Variants in TTLL11 observed in about 807,000 individuals in gnomAD.
TTLL11 encodes the protein tubulin tyrosine ligase like 11, also known as tubulin polyglutamylase TTLL11.
TTLL11 carries 42 observed loss-of-function variants against 51.7 expected under a neutral mutation model. The observed-to-expected ratio is 0.81, with a 90% CI of 0.64 to 1.05. The LOEUF is 1.05. Among genes scored for constraint, TTLL11 ranks in the 50% least tolerant of loss-of-function variants. The pLI, the probability that TTLL11 is intolerant of heterozygous loss-of-function variation, is 0.00. For synonymous variants in TTLL11, 381 were observed against 383.5 expected (o/e 0.99, Z 0.08); for missense variants, 799 against 940.4 (o/e 0.85, Z 1.97).
At chr9:121,949,515 C>G (rs1588147563) in intron 6 of TTLL11, among the ~76,000 whole-genome samples, 1 of 152,094 alleles carries the variant, frequency 6.6e-6, no homozygotes, top group African/African-American at 2.4e-5. Flanking sequence ...GTTTAAAAAG[C>G]ACTTTCACAC....
intron 8 of TTLL11, among the ~76,000 whole-genome samples, chr9:121,856,425 T>C (rs1837820872): frequency 6.6e-6 from 1 of 152,176 alleles, no homozygotes; most frequent in Non-Finnish European, 1.5e-5. Context: ...GAGGCTCAGG[T>C]TTTCCATCTG....
intron 6 of TTLL11, among the ~76,000 whole-genome samples, chr9:121,895,570 G>GC: frequency 6.7e-6 from 1 of 150,284 alleles, no homozygotes; most frequent in East Asian, 2.0e-4. Context: ...TGTCTGTGTG[G>GC]TTGTGTGTTT....
intron 6 of TTLL11, among the ~76,000 whole-genome samples, chr9:121,933,169 G>A (rs1039867443): frequency 3.9e-5 from 6 of 152,194 alleles, no homozygotes; most frequent in Non-Finnish European, 8.8e-5. Flanking sequence ...GGGAGATAAT[G>A]AGAATTTAAA....
chr9:121,999,350 A>G (rs1843390498), intron 3 of TTLL11, among the ~76,000 whole-genome samples: 1 of 152,168 alleles, frequency 6.6e-6, no homozygotes, highest in South Asian at 2.1e-4. Flanking sequence ...TATGTCAAAT[A>G]TGACACGTCC....
chr9:122,029,009 G>A (rs1173973477), intron 3 of TTLL11, among the ~76,000 whole-genome samples: 4 of 152,158 alleles, frequency 2.6e-5, no homozygotes, highest in Non-Finnish European at 5.9e-5. Flanking sequence ...TTCCTGAGAT[G>A]TATCCATAGC....
At chr9:121,975,775 G>A (rs867136711) in intron 4 of TTLL11, among the ~76,000 whole-genome samples, 1 of 152,006 alleles carries the variant, frequency 6.6e-6, no homozygotes, top group African/African-American at 2.4e-5. Flanking sequence ...TGCTTAGAGC[G>A]GAACCCAGGT....
At chr9:121,959,935 T>C (rs1346994289) in intron 6 of TTLL11, among the ~76,000 whole-genome samples, 2 of 152,076 alleles carry the variant, frequency 1.3e-5, no homozygotes, top group East Asian at 1.9e-4. Context: ...ATCACACATA[T>C]ACAAGCATGT....
At chr9:121,871,248 T>C (rs74958981) in intron 6 of TTLL11, among the ~76,000 whole-genome samples, 1 of 151,698 alleles carries the variant, frequency 6.6e-6, no homozygotes, top group Non-Finnish European at 1.5e-5. Context: ...AATTTGGAAT[T>C]CATACAAAAA....
chr9:121,876,693 G>A (rs1293017924), intron 6 of TTLL11, among the ~76,000 whole-genome samples: 1 of 152,256 alleles, frequency 6.6e-6, no homozygotes. Flanking sequence ...CGAACTGAGA[G>A]GGGAAGGGTG....
intron 6 of TTLL11, among the ~76,000 whole-genome samples, chr9:121,911,064 C>T (rs1420189279): frequency 6.6e-6 from 1 of 152,082 alleles, no homozygotes; most frequent in East Asian, 1.9e-4. Flanking sequence ...AACTCTGAGA[C>T]TTTATAAAGT....
chr9:121,868,201 G>A (rs1418499941), intron 7 of TTLL11, among the ~76,000 whole-genome samples: 1 of 152,044 alleles, frequency 6.6e-6, no homozygotes, highest in Non-Finnish European at 1.5e-5. Context: ...ATTCTCCGGG[G>A]CCCCAAATAC....
chr9:121,941,141 G>A (rs1841446792), intron 6 of TTLL11, among the ~76,000 whole-genome samples: 1 of 152,212 alleles, frequency 6.6e-6, no homozygotes, highest in South Asian at 2.1e-4. Context: ...CCTCAGGATT[G>A]CTAGATATAA....
chr9:121,882,253 C>T (rs1286771371), intron 6 of TTLL11, among the ~76,000 whole-genome samples: 2 of 152,156 alleles, frequency 1.3e-5, no homozygotes, highest in African/African-American at 2.4e-5. Context: ...CAAGGGGGCT[C>T]ACTGCTGGTC....
intron 6 of TTLL11, among the ~76,000 whole-genome samples, chr9:121,880,863 T>C (rs1053952093): frequency 1.3e-5 from 2 of 152,246 alleles, no homozygotes; most frequent in African/African-American, 4.8e-5. Context: ...GTTAAGTCAA[T>C]GGCCTAAGCG....
intron 8 of TTLL11, among the ~76,000 whole-genome samples, chr9:121,826,218 G>GT (rs1836760189): frequency 1.7e-5 from 1 of 58,558 alleles, no homozygotes; most frequent in Non-Finnish European, 3.0e-5. Context: ...ATATATATAT[G>GT]CACACATATA....
At chr9:122,084,921 G>A (rs781580815) in intron 1 of TTLL11, among the ~76,000 whole-genome samples, 2 of 152,082 alleles carry the variant, frequency 1.3e-5, no homozygotes, top group Non-Finnish European at 2.9e-5. Flanking sequence ...TCACTTAAAC[G>A]GCTAAAACGA....
At chr9:122,037,439 A>T (rs1032650913) in intron 2 of TTLL11, among the ~76,000 whole-genome samples, 2 of 152,202 alleles carry the variant, frequency 1.3e-5, no homozygotes, top group Non-Finnish European at 2.9e-5. Flanking sequence ...CCTAGAAAAC[A>T]ATGAAGGTAG....
chr9:121,850,649 T>C (rs1837642186), intron 8 of TTLL11, among the ~76,000 whole-genome samples: 1 of 152,180 alleles, frequency 6.6e-6, no homozygotes, highest in Non-Finnish European at 1.5e-5. Context: ...GCTGATTGGA[T>C]GGTGCCCACT....
chr9:121,831,699 C>CAAAAAA (rs35519622), intron 8 of TTLL11, among the ~76,000 whole-genome samples: 3 of 133,428 alleles, frequency 2.2e-5, no homozygotes, highest in African/African-American at 8.4e-5. Flanking sequence ...GACTCTGTCT[C>CAAAAAA]AAAAAAAAAA....
Sources: gnomAD v4.1 joint callset for allele counts (sites outside exome capture counted in the v4.1 genomes callset) on GRCh38, gnomAD v4.1.1 for gene constraint, MANE v1.5 for transcripts, NCBI Gene and HGNC (gene_info 2026-07-23, HGNC 2026-07-21) for gene names.